Variants in XCR1 observed in about 807,000 individuals in gnomAD.
The protein encoded by XCR1 is chemokine XC receptor 1.
For missense variants in XCR1, 356 were observed against 424.2 expected (o/e 0.84, Z 1.41); for synonymous variants, 187 against 188.5 (o/e 0.99, Z 0.06).
chr3:46,084,933 C>A (rs1698445219), intron 1 of XCR1, among the ~76,000 whole-genome samples: 1 of 152,030 alleles, frequency 6.6e-6, no homozygotes, highest in Non-Finnish European at 1.5e-5. Context: ...CATATGGTAC[C>A]TCCCGAATCT....
intron 5 of XCR1, among the ~76,000 whole-genome samples, chr3:46,051,908 C>G (rs1697752270): frequency 6.6e-6 from 1 of 152,054 alleles, no homozygotes; most frequent in Admixed American, 6.6e-5. Flanking sequence ...CGCCTGTAGT[C>G]CCAGCTACTT....
chr3:46,084,385 T>C (rs1226399439), intron 1 of XCR1, among the ~76,000 whole-genome samples: 9 of 152,188 alleles, frequency 5.9e-5, no homozygotes, highest in African/African-American at 1.2e-4. Context: ...CAGAAAAGCA[T>C]TGGAATGAAA....
At chr3:46,049,954 A>G (rs1697708046) in intron 5 of XCR1, among the ~76,000 whole-genome samples, 1 of 152,250 alleles carries the variant, frequency 6.6e-6, no homozygotes, top group Admixed American at 6.5e-5. Flanking sequence ...TGTCAGGATC[A>G]TATCCCATAA....
At chr3:46,046,581 A>G (rs1269672467) in intron 5 of XCR1, among the ~76,000 whole-genome samples, 1 of 152,210 alleles carries the variant, frequency 6.6e-6, no homozygotes, top group Non-Finnish European at 1.5e-5. Context: ...GGCTCCCTGC[A>G]TATCCCCCTT....
chr3:46,051,690 G>A (rs1252236351), intron 5 of XCR1, among the ~76,000 whole-genome samples: 2 of 152,190 alleles, frequency 1.3e-5, no homozygotes, highest in Admixed American at 1.3e-4. Flanking sequence ...ATTGCACTAT[G>A]TATTCTCTCA....
intron 1 of XCR1, among the ~76,000 whole-genome samples, chr3:46,026,447 C>T (rs1477056523): frequency 6.6e-6 from 1 of 152,130 alleles, no homozygotes; most frequent in Admixed American, 6.5e-5. Flanking sequence ...CTAAATTATA[C>T]AACCACCAGT....
At chr3:46,029,976 T>C (rs1708367617), upstream of XCR1, among the ~76,000 whole-genome samples, 1 of 152,228 alleles carries the variant, frequency 6.6e-6, no homozygotes, top group Non-Finnish European at 1.5e-5. Context: ...TGCTACTGTA[T>C]AAAAATACAA....
At chr3:46,026,046 A>G (rs1334860562) in intron 1 of XCR1, among the ~76,000 whole-genome samples, 1 of 152,160 alleles carries the variant, frequency 6.6e-6, no homozygotes, top group African/African-American at 2.4e-5. Flanking sequence ...AAGTCACCAT[A>G]TCAATAGAAT....
chr3:46,064,802 G>C (rs530146025), intron 4 of XCR1, among the ~76,000 whole-genome samples: 1 of 152,190 alleles, frequency 6.6e-6, no homozygotes, highest in African/African-American at 2.4e-5. Context: ...ACTTGGAAGA[G>C]TTACCCAGGG....
At chr3:46,060,637 G>C (rs1330711099) in intron 4 of XCR1, among the ~76,000 whole-genome samples, 1 of 152,128 alleles carries the variant, frequency 6.6e-6, no homozygotes, top group Non-Finnish European at 1.5e-5. Context: ...CTGAGCATAA[G>C]GTCACAGGAA....
intron 5 of XCR1, among the ~76,000 whole-genome samples, chr3:46,042,222 G>GAAATATCT (rs1260441419): frequency 3.3e-5 from 5 of 152,054 alleles, no homozygotes. Flanking sequence ...TTATAAAGAA[G>GAAATATCT]AAATATCTCA....
In XCR1 at chr3:46,020,103, A is replaced by T. The variant is rs2125892150; in HGVS notation, c.*843T>A. The T allele has an allele frequency of 6.6e-6, 1 of 152,314 alleles. No individual in the cohort carries two copies. The highest frequency in any genetic ancestry group is 2.1e-4 in the South Asian group (1 of 4,832). The allele number at this position is 152,314 out of a possible 1,614,324, so 9.4% of individuals were successfully genotyped here. ...TAAATGTGAAGTCAGCTCACTATCCACCTGGGAAGGATGAGATGTCGGAGG... is the reference window on the plus strand; with the variant it reads ...TAAATGTGAAGTCAGCTCACTATCCTCCTGGGAAGGATGAGATGTCGGAGG... On this transcript the variant is annotated 3_prime_UTR_variant, in exon 2 of 2. Transcript: ENST00000309285.
intron 5 of XCR1, among the ~76,000 whole-genome samples, chr3:46,035,143 T>TG (rs1697401624): frequency 6.6e-6 from 1 of 152,098 alleles, no homozygotes; most frequent in African/African-American, 2.4e-5. Context: ...TTGGTAGAGA[T>TG]GGGGTTTCAC....
At chr3:46,065,324 C>G (rs190818205) in intron 4 of XCR1, among the ~76,000 whole-genome samples, 1 of 152,278 alleles carries the variant, frequency 6.6e-6, no homozygotes, top group East Asian at 1.9e-4. Flanking sequence ...TTCAGGCTCC[C>G]CTTAGGGACT....
chr3:46,030,233 G>C (rs927191767), upstream of XCR1, among the ~76,000 whole-genome samples: 2 of 152,118 alleles, frequency 1.3e-5, no homozygotes, highest in Non-Finnish European at 2.9e-5. Flanking sequence ...GGACATCATT[G>C]TCTTGTTTCT....
At chr3:46,073,018 G>A (rs960910978) in intron 3 of XCR1, among the ~76,000 whole-genome samples, 1 of 151,900 alleles carries the variant, frequency 6.6e-6, no homozygotes, top group Non-Finnish European at 1.5e-5. Context: ...CACACACTGG[G>A]GAAAAGATAC....
chr3:46,053,511 C>A (rs1697790539), intron 5 of XCR1, among the ~76,000 whole-genome samples: 1 of 152,160 alleles, frequency 6.6e-6, no homozygotes, highest in Admixed American at 6.5e-5. Flanking sequence ...GTGGGTGGGA[C>A]AACAGATTCT....
rs1264633519 is a variant in XCR1 at position 46,017,892 on chromosome 3, GA to G, written c.*3053del. ...ATGGTTTCTGTGGGTGGAGGGAGGGGAAGCCCAGGAGGTGGTGGCCAGTGGA... is the reference window on the plus strand; with the variant it reads ...ATGGTTTCTGTGGGTGGAGGGAGGGGAGCCCAGGAGGTGGTGGCCAGTGGA... On this transcript the variant is annotated 3_prime_UTR_variant, in exon 2 of 2. Transcript: ENST00000309285. 6.5e-6 allele frequency: 1 copy of G among 152,744 alleles called. No homozygotes were observed. The highest frequency in any genetic ancestry group is 2.4e-5 in the African/African-American group (1 of 41,456). 9.5% of individuals were successfully genotyped at this position (152,744 alleles called of 1,614,324 possible).
upstream of XCR1, among the ~76,000 whole-genome samples, chr3:46,031,433 G>T (rs532542201): frequency 6.6e-6 from 1 of 152,376 alleles, no homozygotes; most frequent in East Asian, 1.9e-4. Flanking sequence ...CATGCTTGGG[G>T]CAGTGCTGAC....
Sources: allele counts gnomAD v4.1 joint callset (sites outside exome capture counted in the v4.1 genomes callset), GRCh38; gene constraint gnomAD v4.1.1; transcripts MANE v1.5; gene names NCBI Gene and HGNC (gene_info 2026-07-23, HGNC 2026-07-21).